The following ELOVL7 variants were observed in gnomAD, a reference collection of about 807,000 sequenced individuals.
The protein encoded by ELOVL7 is ELOVL fatty acid elongase 7, also known as very long chain fatty acid elongase 7.
A neutral mutation model predicts 35.7 loss-of-function variants in ELOVL7; 27 were observed. The ratio of observed to expected loss-of-function variants is 0.76; its 90% confidence interval spans 0.56 to 1.04. ELOVL7 has a LOEUF of 1.04. Among genes scored for constraint, ELOVL7 ranks in the 50% least tolerant of loss-of-function variants. The probability of loss-of-function intolerance (pLI) is 0.00; values close to 1 mark genes in which losing one functional copy is unlikely to be tolerated. For synonymous variants in ELOVL7, 113 were observed against 114.6 expected (o/e 0.99, Z 0.09); for missense variants, 327 against 340.8 (o/e 0.96, Z 0.32).
chr5:60,791,525 T>C (rs2112252722), intron 2 of ELOVL7, among the ~76,000 whole-genome samples: 1 of 152,290 alleles, frequency 6.6e-6, no homozygotes, highest in Admixed American at 6.5e-5. Context: ...CCCCTAAATC[T>C]AAAATATATT....
rs1746604188 is a variant in ELOVL7, at chr5:60,833,441, T to C, written c.-86+10719A>G. On this transcript the variant is annotated intron_variant, in intron 1 of 8. Coordinates refer to ENST00000508821, the MANE Select transcript of ELOVL7 (RefSeq NM_024930.3). ...ATGTCCTGTGGGACTGAGCGCCAGG[T>C]GCCCACAGAGGTAGTAGACTCTTCA... Among the ~76,000 whole-genome samples the C allele has an allele frequency of 2.0e-5, 3 of 152,180 alleles. No individual in the cohort carries two copies. In the South Asian group the frequency reaches 6.2e-4, roughly 32 times the overall value.
Position 60,785,153 on chromosome 5 carries a change from C to A in ELOVL7, c.64+2181G>T, listed in dbSNP as rs189137327. ...ACTCCAAATCCCCATATCCTCTCTCCCCTCCCAAGTCTTCAAATGAGCATA... is the reference window on the plus strand; with the variant it reads ...ACTCCAAATCCCCATATCCTCTCTCACCTCCCAAGTCTTCAAATGAGCATA... On this transcript the variant is annotated intron_variant, in intron 3 of 8. Coordinates refer to ENST00000508821, the MANE Select transcript of ELOVL7 (RefSeq NM_024930.3). Among the ~76,000 whole-genome samples the A allele has an allele frequency of 2.1e-3, 325 of 152,266 alleles. 2 individuals carry two copies. Among genetic ancestry groups the A allele is most frequent in the Non-Finnish European group, 3.6e-3 (248 of 68,018 alleles).
chr5:60,839,346 A>G (rs1747024809), intron 1 of ELOVL7, among the ~76,000 whole-genome samples: 2 of 152,208 alleles, frequency 1.3e-5, no homozygotes, highest in African/African-American at 4.8e-5. Flanking sequence ...TCTCAGAAAA[A>G]AAAAGAAAGG....
At chr5:60,828,925 T>C (rs943201518) in intron 1 of ELOVL7, among the ~76,000 whole-genome samples, 2 of 152,202 alleles carry the variant, frequency 1.3e-5, no homozygotes, top group African/African-American at 4.8e-5. Context: ...CATTAAGTTA[T>C]TATTTTTAAC....
At chr5:60,798,345 C>T (rs141847076) in intron 2 of ELOVL7, among the ~76,000 whole-genome samples, 1,702 of 152,170 alleles carry the variant, frequency 0.011, 17 homozygotes, top group South Asian at 0.042. Flanking sequence ...TGGTCAAAGA[C>T]GTGATGGGAC....
In ELOVL7 at chr5:60,753,650, T is replaced by C. The variant is rs1312229569; in HGVS notation, c.*974A>G. 1 of 152,180 alleles carries C rather than the reference T, an allele frequency of 6.6e-6. No individual in the cohort carries two copies. The highest frequency in any genetic ancestry group is 1.5e-5 in the Non-Finnish European group (1 of 68,022). The allele number at this position is 152,180 out of a possible 1,614,324, so 9.4% of individuals were successfully genotyped here. A position where few individuals can be genotyped will look rare whatever the true frequency, so the allele number is the denominator to read the frequency against. ...TGTGTACAATGGGTAATATTATTTA[T>C]GATTTAAGGGTAGTACCTGTAGTGT... On this transcript the variant is annotated 3_prime_UTR_variant, in exon 9 of 9. Transcript: ENST00000508821.
chr5:60,793,325 A>T (rs1013864338), intron 2 of ELOVL7, among the ~76,000 whole-genome samples: 5 of 152,100 alleles, frequency 3.3e-5, no homozygotes, highest in Non-Finnish European at 7.4e-5. Flanking sequence ...TTTTGCCCAG[A>T]CCTGGAAGCC....
chr5:60,807,072 C>T (rs961543026), intron 1 of ELOVL7, among the ~76,000 whole-genome samples: 2 of 152,120 alleles, frequency 1.3e-5, no homozygotes, highest in African/African-American at 2.4e-5. Context: ...GGCCTCTTCC[C>T]CCAGCTGCAC....
chr5:60,780,602 G>A (rs1743189028), intron 3 of ELOVL7, among the ~76,000 whole-genome samples: 1 of 152,140 alleles, frequency 6.6e-6, no homozygotes, highest in Non-Finnish European at 1.5e-5. Context: ...CCAAGATTGG[G>A]TAATTTATAA....
intron 1 of ELOVL7, among the ~76,000 whole-genome samples, chr5:60,834,390 C>T (rs1285157035): frequency 6.6e-6 from 1 of 152,202 alleles, no homozygotes; most frequent in East Asian, 1.9e-4. Flanking sequence ...TGTGATCCGC[C>T]CGCCTCGGCC....
chr5:60,789,278 T>C lies in ELOVL7; in HGVS notation c.-34-1847A>G, dbSNP rs1743782848. 2.0e-5 allele frequency among the ~76,000 whole-genome samples: 3 copies of C among 152,176 alleles called. No homozygotes were observed. The South Asian group carries it at 6.2e-4, about 32-fold the overall frequency. On this transcript the variant is annotated intron_variant, in intron 2 of 8. Transcript: ENST00000508821. ...CTAATATATGACAAGTTTCTAAAAT[T>C]GATAAAAGACCTTAAGTCAATAGGA... is the stretch of plus-strand genomic sequence containing the variant.
chr5:60,815,218 C>T (rs544218817), intron 1 of ELOVL7, among the ~76,000 whole-genome samples: 209 of 152,338 alleles, frequency 1.4e-3, no homozygotes, highest in Non-Finnish European at 2.4e-3. Flanking sequence ...AAATAACCCA[C>T]ATGAAAATAC....
chr5:60,782,524 T>G (rs953733209), intron 3 of ELOVL7, among the ~76,000 whole-genome samples: 4 of 152,166 alleles, frequency 2.6e-5, no homozygotes, highest in African/African-American at 7.2e-5. Context: ...GGTGAATGGA[T>G]AAAGAAAATG....
chr5:60,756,471 G>A (rs906285928), intron 8 of ELOVL7, among the ~76,000 whole-genome samples: 2 of 152,014 alleles, frequency 1.3e-5, no homozygotes, highest in Non-Finnish European at 2.9e-5. Context: ...AAGAAGCAAT[G>A]GTGAGTAATT....
At chr5:60,789,410 T>C (rs1743790002) in intron 2 of ELOVL7, among the ~76,000 whole-genome samples, 1 of 152,198 alleles carries the variant, frequency 6.6e-6, no homozygotes, top group African/African-American at 2.4e-5. Flanking sequence ...GTCTATTGAA[T>C]AGGCCAAAAT....
chr5:60,828,562 T>A (rs1165280569), intron 1 of ELOVL7, among the ~76,000 whole-genome samples: 1 of 152,168 alleles, frequency 6.6e-6, no homozygotes, highest in Non-Finnish European at 1.5e-5. Context: ...CTTTTATGTA[T>A]CCAGATCATA....
chr5:60,800,785 A>G (rs1026055201), intron 1 of ELOVL7, among the ~76,000 whole-genome samples: 1 of 152,072 alleles, frequency 6.6e-6, no homozygotes, highest in African/African-American at 2.4e-5. Context: ...TCTTCCCTCC[A>G]TATTCATGGG....
chr5:60,759,606 TTC>T (rs1309009932), intron 7 of ELOVL7, among the ~76,000 whole-genome samples: 1 of 116,160 alleles, frequency 8.6e-6, no homozygotes, highest in African/African-American at 5.4e-5. Context: ...CGTGCCTATT[TTC>T]TTTTTTTTTT....
chr5:60,813,327 G>GT (rs1404879363), intron 1 of ELOVL7, among the ~76,000 whole-genome samples: 3 of 152,272 alleles, frequency 2.0e-5, no homozygotes, highest in African/African-American at 7.2e-5. Context: ...GTTGACACGT[G>GT]TATTACTATA....
Sources: allele counts gnomAD v4.1 joint callset (sites outside exome capture counted in the v4.1 genomes callset), GRCh38; gene constraint gnomAD v4.1.1; transcripts MANE v1.5; gene names NCBI Gene and HGNC (gene_info 2026-07-23, HGNC 2026-07-21).